The following EPS15 variants were observed in gnomAD, a reference collection of about 807,000 sequenced individuals.
EPS15 encodes epidermal growth factor receptor pathway substrate 15, also known as epidermal growth factor receptor substrate 15.
EPS15 carries 72 observed loss-of-function variants against 113.8 expected under a neutral mutation model. The observed-to-expected ratio is 0.63, with a 90% CI of 0.52 to 0.77. The LOEUF is 0.77. EPS15 is among the 30% of genes least tolerant of loss of function. The probability of loss-of-function intolerance (pLI) is 0.00; values close to 1 mark genes in which losing one functional copy is unlikely to be tolerated. For synonymous variants in EPS15, 344 were observed against 363.4 expected (o/e 0.95, Z 0.61); for missense variants, 1,048 against 1,045.8 (o/e 1.00, Z -0.03).
intron 19 of EPS15, among the ~76,000 whole-genome samples, 178 bp downstream of exon 19, chr1:51,400,740 A>T (rs971256036): frequency 5.1e-4 from 76 of 149,446 alleles, no homozygotes; most frequent in Non-Finnish European, 8.3e-4. Flanking sequence ...AAAAAAGAAG[A>T]AGTAAAAGTA....
intron 12 of EPS15, among the ~76,000 whole-genome samples, chr1:51,429,631 CTGT>C (rs1286539560): frequency 1.8e-4 from 26 of 146,944 alleles, no homozygotes; most frequent in Non-Finnish European, 3.1e-4. Flanking sequence ...CAGCCTTTTA[CTGT>C]TGTTGTTGGT....
At chr1:51,392,379 A>G (rs1412613785) in intron 21 of EPS15, among the ~76,000 whole-genome samples, 1 of 152,190 alleles carries the variant, frequency 6.6e-6, no homozygotes, top group African/African-American at 2.4e-5. Flanking sequence ...TGTTCAATAA[A>G]TAGTAGCCAT....
At chr1:51,414,378 T>G (rs1650018476) in intron 13 of EPS15, among the ~76,000 whole-genome samples, 1 of 151,174 alleles carries the variant, frequency 6.6e-6, no homozygotes, top group Non-Finnish European at 1.5e-5. Context: ...ATGGCGCCAC[T>G]GCACTCCAGC....
chr1:51,443,745 TG>T (rs1652789950), intron 11 of EPS15, among the ~76,000 whole-genome samples: 3 of 152,018 alleles, frequency 2.0e-5, no homozygotes, highest in Admixed American at 1.3e-4. Context: ...CTCAAACTCC[TG>T]GGTTCAAGTG....
At chr1:51,457,508 ATC>A (rs1654099056) in intron 8 of EPS15, 2 of 111,204 alleles carry the variant, frequency 1.8e-5, no homozygotes, top group African/African-American at 3.6e-5. Flanking sequence ...TTGGAATATT[ATC>A]TTTTTTTTTT....
chr1:51,516,594 A>G (rs1388215130), intron 1 of EPS15, among the ~76,000 whole-genome samples: 3 of 152,196 alleles, frequency 2.0e-5, no homozygotes, highest in Non-Finnish European at 4.4e-5. Context: ...GCAAGCTTGG[A>G]AAAAGGAAGG....
chr1:51,466,529 A>C (rs1164873028), intron 5 of EPS15, among the ~76,000 whole-genome samples: 1 of 151,838 alleles, frequency 6.6e-6, no homozygotes, highest in Non-Finnish European at 1.5e-5. Flanking sequence ...AGGCTAAGGC[A>C]GGAGAATCAC....
chr1:51,388,328 G>C (rs1267243943), intron 21 of EPS15, among the ~76,000 whole-genome samples: 1 of 152,300 alleles, frequency 6.6e-6, no homozygotes, highest in African/African-American at 2.4e-5. Flanking sequence ...GCAGTGTGTA[G>C]AGGGAAATTT....
chr1:51,465,210 G>A (rs750824235), intron 6 of EPS15, 51 bp downstream of exon 6: 17 of 1,096,234 alleles, frequency 1.6e-5, no homozygotes, highest in Non-Finnish European at 1.9e-5. Flanking sequence ...TAGAGAGAGA[G>A]TAGATAGGAA....
chr1:51,478,719 T>C (rs1643963076), intron 2 of EPS15, among the ~76,000 whole-genome samples: 1 of 151,898 alleles, frequency 6.6e-6, no homozygotes, highest in South Asian at 2.1e-4. Context: ...TTATGAAGCT[T>C]AGTTTGGCTG....
chr1:51,360,590 T>C (rs909635975), intron 24 of EPS15, among the ~76,000 whole-genome samples: 2 of 152,210 alleles, frequency 1.3e-5, no homozygotes, highest in African/African-American at 4.8e-5. Context: ...ATAAAGATTG[T>C]TTAAATCCTG....
At position 51,409,687 on chromosome 1, in the gene EPS15, C is replaced by T. The variant is rs773744504; in HGVS notation, c.1123G>A (p.Asp375Asn). ...QRTSEVQDLQDEVQRENTNLQ... is the reference protein window; with the variant it reads ...QRTSEVQDLQNEVQRENTNLQ... The stretch of plus-strand genomic sequence containing the variant: ...TTAGTATTCTCCCTTTGAACTTCAT[C>T]TTGAAGATCCTAAAATCCAAGAAAA... The change falls in exon 14 of 25, where the codon GAT becomes AAT. Residue 375 changes from aspartate to asparagine, a missense_variant. Asp to Asn is a conservative substitution (Grantham distance 23, BLOSUM62 1). Coordinates refer to ENST00000371733, the MANE Select transcript of EPS15 (RefSeq NM_001981.3). The T allele has an allele frequency of 3.7e-6, 6 of 1,603,370 alleles. No individual in the cohort carries two copies. Among genetic ancestry groups the T allele is most frequent in the Non-Finnish European group, 5.1e-6 (6 of 1,174,706 alleles).
intron 1 of EPS15, among the ~76,000 whole-genome samples, chr1:51,504,710 T>C (rs1432462195): frequency 1.3e-5 from 2 of 152,168 alleles, no homozygotes; most frequent in East Asian, 3.8e-4. Context: ...CACAATGAGA[T>C]ACTAAAAAAA....
chr1:51,477,001 A>G (rs181916019), intron 2 of EPS15, among the ~76,000 whole-genome samples: 3 of 152,122 alleles, frequency 2.0e-5, no homozygotes, highest in Non-Finnish European at 2.9e-5. Context: ...CTCTTTTTCT[A>G]TTGATTGGAA....
chr1:51,401,829 CCA>C (rs1211463292), intron 18 of EPS15, among the ~76,000 whole-genome samples: 1 of 152,060 alleles, frequency 6.6e-6, no homozygotes, highest in Non-Finnish European at 1.5e-5. Context: ...ATGGTGAAAC[CCA>C]GTCTCTACTA....
At chr1:51,441,127 C>A (rs1448029705) in intron 11 of EPS15, among the ~76,000 whole-genome samples, 1 of 152,048 alleles carries the variant, frequency 6.6e-6, no homozygotes, top group Non-Finnish European at 1.5e-5. Flanking sequence ...TGCTATTTTA[C>A]TAACTGCATT....
chr1:51,480,877 T>C (rs72679113), intron 2 of EPS15, among the ~76,000 whole-genome samples: 3,335 of 152,268 alleles, frequency 0.022, 31 homozygotes, highest in Middle Eastern at 0.034. Context: ...AATTAATGAG[T>C]TGAATAAAAT....
chr1:51,471,207 C>G (rs1285311633), intron 4 of EPS15, among the ~76,000 whole-genome samples: 2 of 152,170 alleles, frequency 1.3e-5, no homozygotes, highest in African/African-American at 4.8e-5. Flanking sequence ...TGGTGTTCAA[C>G]ACCCTTGGCC....
At chr1:51,417,484 T>A (rs1000319431) in intron 13 of EPS15, among the ~76,000 whole-genome samples, 1 of 152,196 alleles carries the variant, frequency 6.6e-6, no homozygotes, top group Admixed American at 6.6e-5. Context: ...ATGAAAAATA[T>A]GATCCAAGGC....
Sources: allele counts gnomAD v4.1 joint callset (sites outside exome capture counted in the v4.1 genomes callset), GRCh38; gene constraint gnomAD v4.1.1; transcripts MANE v1.5; gene names NCBI Gene and HGNC (gene_info 2026-07-23, HGNC 2026-07-21).